SMC2: variants seen among roughly 807,000 people sequenced by gnomAD.
SMC2 encodes structural maintenance of chromosomes protein 2.
In SMC2, 41 loss-of-function variants were observed where a neutral mutation model predicts 142.6. That is an observed-to-expected ratio of 0.29 (90% CI 0.22 to 0.37). The LOEUF is 0.37. Among genes scored for constraint, SMC2 ranks in the 10% least tolerant of loss-of-function variants. The pLI is 1.00. For missense variants in SMC2, 1,265 were observed against 1,373.7 expected (o/e 0.92, Z 1.25); for synonymous variants, 463 against 457.5 (o/e 1.01, Z -0.15).
chr9:104,118,021 A>T, intron 14 of SMC2, 150 bp from the exon 15 acceptor site: 1 of 592,356 alleles, frequency 1.7e-6, no homozygotes, highest in Non-Finnish European at 2.8e-6. Context: ...TTTGAGTTTT[A>T]CATAGCTTTT....
At position 104,123,458 on chromosome 9, in the gene SMC2, A is replaced by G. The variant is rs529011131; in HGVS notation, c.2257+226A>G. Among the ~76,000 whole-genome samples, 4 of 150,852 alleles carry G rather than the reference A, an allele frequency of 2.7e-5. 1 individual carries two copies. In the East Asian group the frequency reaches 7.7e-4, roughly 29 times the overall value. ...ACCAATACTCATTTCCACCAGCAGC[A>G]TATGAACATTTCTCCAAGTTCTTTT... On this transcript the variant is annotated intron_variant, in intron 17 of 24. Coordinates refer to ENST00000374793, the MANE Select transcript of SMC2 (RefSeq NM_006444.3).
chr9:104,124,728 T>C (rs1380881260), intron 17 of SMC2, among the ~76,000 whole-genome samples, 184 bp from the exon 18 acceptor site: 1 of 152,194 alleles, frequency 6.6e-6, no homozygotes, highest in East Asian at 1.9e-4. Flanking sequence ...GATCTTTAGA[T>C]AATTCAAGTA....
In SMC2 at chr9:104,140,875, T is replaced by C. The variant is rs527373227; in HGVS notation, c.*1560T>C. 9.2e-5 allele frequency: 14 copies of C among 152,372 alleles called. No individual in the cohort carries two copies. Among genetic ancestry groups the C allele is most frequent in the African/African-American group, 3.4e-4 (14 of 41,592 alleles). The allele number at this position is 152,372 out of a possible 1,614,324, so 9.4% of individuals were successfully genotyped here. ...GATTTAACAGTTAGTTATTAAGTGG[T>C]ACTTCATTGCTGTTTTAGCCAACGT... On this transcript the variant is annotated 3_prime_UTR_variant, in exon 25 of 25. Transcript: ENST00000374793.
chr9:104,093,265 G>C (rs1164729372), upstream of SMC2, among the ~76,000 whole-genome samples: 1 of 152,042 alleles, frequency 6.6e-6, no homozygotes, highest in Admixed American at 6.5e-5. Flanking sequence ...CAACGTGCTT[G>C]GAAACGTGAG....
At position 104,140,392 on chromosome 9, in the gene SMC2, G is replaced by GTAGTGA. The variant is rs1425056368; in HGVS notation, c.*1078_*1079insAGTGAT. 1 of 152,116 alleles carries GTAGTGA rather than the reference G, an allele frequency of 6.6e-6. No individual in the cohort carries two copies. Among genetic ancestry groups the GTAGTGA allele is most frequent in the South Asian group, 2.1e-4 (1 of 4,830 alleles). The allele number at this position is 152,116 out of a possible 1,614,324, so 9.4% of individuals were successfully genotyped here. A position where few individuals can be genotyped will look rare whatever the true frequency, so the allele number is the denominator to read the frequency against. On this transcript the variant is annotated 3_prime_UTR_variant, in exon 25 of 25. Transcript: ENST00000374793. ...TTTTTGGTACGTCATCACTAGAACA[G>GTAGTGA]TGACCCCAAACTGAATCATGAAAGG...
At chr9:104,133,770 T>G (rs1357845550) in intron 22 of SMC2, among the ~76,000 whole-genome samples, 1 of 152,138 alleles carries the variant, frequency 6.6e-6, no homozygotes, top group Non-Finnish European at 1.5e-5. Flanking sequence ...TTCTTTTCTC[T>G]TGGGATGTAA....
At chr9:104,097,078 G>T (rs1391230411) in intron 3 of SMC2, among the ~76,000 whole-genome samples, 2 of 140,442 alleles carry the variant, frequency 1.4e-5, no homozygotes, top group Admixed American at 7.0e-5. Context: ...TTTTTTAGGT[G>T]TGTTATTAAT....
upstream of SMC2, chr9:104,094,114 T>TA: frequency 2.9e-6 from 1 of 350,838 alleles, no homozygotes; most frequent in Non-Finnish European, 5.1e-6. Context: ...GAACATACAC[T>TA]ATCTGCTCCT....
chr9:104,098,380 A>C (rs1830705137), intron 3 of SMC2, 66 bp from the exon 4 acceptor site: 2 of 1,312,192 alleles, frequency 1.5e-6, no homozygotes, highest in Admixed American at 2.6e-5. Context: ...AAGCTAATAT[A>C]CTTAGTTTAT....
In SMC2 at chr9:104,114,770, A is replaced by C. The variant is rs763851296; in HGVS notation, c.1612A>C (p.Thr538Pro). Residue 538 changes from threonine (T) to proline (P), a missense_variant, in exon 13 of 25, where the codon ACC (threonine) becomes CCC (proline). Around this residue, in one of 4 missense-constraint regions of SMC2, gnomAD observed 898 missense variants for 904.2 expected, o/e 0.99. Transcript: ENST00000374793. ...SLISVKDTSATTALELVAGER... is the reference protein window; with the variant it reads ...SLISVKDTSAPTALELVAGER... ...GATTAGTGTGAAAGACACTTCTGCA[A>C]CCACAGCTTTAGAATTAGTGGCTGG... 1.9e-6 allele frequency: 3 copies of C among 1,613,180 alleles called. No homozygotes were observed. Among genetic ancestry groups the C allele is most frequent in the Non-Finnish European group, 2.5e-6 (3 of 1,179,302 alleles).
Position 104,100,418 on chromosome 9 carries a change from T to G in SMC2, c.621T>G (p.Ile207Met), listed in dbSNP as rs1830976101. The G allele has an allele frequency of 2.6e-6, 4 of 1,521,810 alleles. No homozygotes were observed. Among genetic ancestry groups the G allele is most frequent in the Non-Finnish European group, 3.6e-6 (4 of 1,101,184 alleles). 94.3% of individuals were successfully genotyped at this position (1,521,810 alleles called of 1,614,324 possible). ...TTGAAGAAGAGATTACTCCAACCAT[T>G]CAAAAATTAAAAGAGGTATATTCTG... is the stretch of plus-strand genomic sequence containing the variant. ...TILEEEITPT[I>M]QKLKEERSSY... Residue 207 changes from isoleucine to methionine, a missense_variant, in exon 7 of 25, where the codon ATT becomes ATG. This residue lies in a region of SMC2 where 898 missense variants were observed against 904.2 expected (regional missense o/e 0.99). Transcript: ENST00000374793.
At chr9:104,131,324 AG>A (rs1241470580) in intron 21 of SMC2, among the ~76,000 whole-genome samples, 1 of 152,136 alleles carries the variant, frequency 6.6e-6, no homozygotes, top group Non-Finnish European at 1.5e-5. Context: ...GAGCTGTAAA[AG>A]ACCATATGGC....
At chr9:104,094,136 G>A, upstream of SMC2, 1 of 373,444 alleles carries the variant, frequency 2.7e-6, no homozygotes, top group Non-Finnish European at 4.8e-6. Flanking sequence ...TAGTGCCCAG[G>A]CCCCTGCCGG....
intron 18 of SMC2, 86 bp from the exon 19 acceptor site, chr9:104,126,555 T>G: frequency 2.3e-6 from 2 of 852,326 alleles, no homozygotes; most frequent in Non-Finnish European, 3.3e-6. Context: ...TTGCATGAGA[T>G]TATTATTTAT....
At chr9:104,104,923 A>G (rs1831579668) in intron 9 of SMC2, among the ~76,000 whole-genome samples, 2 of 152,356 alleles carry the variant, frequency 1.3e-5, no homozygotes, top group Middle Eastern at 3.4e-3. Context: ...GACTCAGCCC[A>G]GGATCCTAGT....
At position 104,118,236 on chromosome 9, in the gene SMC2, A is replaced by T; in HGVS notation, c.1857A>T (p.Ala619=). The change falls in exon 15 of 25, where the codon GCA becomes GCT. Residue 619 remains alanine, a synonymous_variant. Coordinates refer to ENST00000374793, the MANE Select transcript of SMC2 (RefSeq NM_006444.3). Reference sequence around the variant, plus strand: ...AATATAAACCAGAACTTCAGAAAGCAATGGAGTTTGTCTTTGGAACAACAT... The same window carrying T: ...AATATAAACCAGAACTTCAGAAAGCTATGGAGTTTGTCTTTGGAACAACAT... ...LVEYKPELQK[A]MEFVFGTTFV... The T allele has an allele frequency of 6.2e-7, 1 of 1,613,836 alleles. No homozygotes were observed. The highest frequency in any genetic ancestry group is 8.5e-7 in the Non-Finnish European group (1 of 1,179,806).
At chr9:104,127,192 C>T in intron 19 of SMC2, 94 bp from the exon 20 acceptor site, 1 of 964,264 alleles carries the variant, frequency 1.0e-6, no homozygotes, top group Non-Finnish European at 1.5e-6. Flanking sequence ...TCACATTGCC[C>T]TCTTGCCCAG....
intron 9 of SMC2, among the ~76,000 whole-genome samples, chr9:104,107,227 G>A (rs1034307867): frequency 1.3e-5 from 2 of 152,214 alleles, no homozygotes; most frequent in Non-Finnish European, 2.9e-5. Context: ...TTAAGTCACA[G>A]CGTCGCATGT....
At chr9:104,095,945 A>G (rs567450561) in intron 2 of SMC2, among the ~76,000 whole-genome samples, 53 of 152,316 alleles carry the variant, frequency 3.5e-4, no homozygotes, top group Middle Eastern at 3.4e-3. Context: ...TTCAGGGTTG[A>G]AAAGGTTCTG....
Sources: allele counts gnomAD v4.1 joint callset (sites outside exome capture counted in the v4.1 genomes callset), GRCh38; gene constraint gnomAD v4.1.1; regional missense constraint gnomAD v4.1.1; transcripts MANE v1.5; gene names NCBI Gene and HGNC (gene_info 2026-07-23, HGNC 2026-07-21).